HUWE1: variants seen among roughly 807,000 people sequenced by gnomAD.
HUWE1 encodes the protein HECT, UBA and WWE domain containing E3 ubiquitin protein ligase 1, also known as E3 ubiquitin-protein ligase HUWE1.
A neutral mutation model predicts 299.4 loss-of-function variants in HUWE1; 18 were observed. That is an observed-to-expected ratio of 0.06 (90% CI 0.04 to 0.09). The LOEUF is 0.09. Among genes scored for constraint, HUWE1 ranks in the 10% least tolerant of loss-of-function variants. The pLI is 1.00. For synonymous variants in HUWE1, 1,317 were observed against 1,286.1 expected, an observed-to-expected ratio of 1.02 and a Z score of -0.51; for missense variants, 1,832 against 3,462.3, an observed-to-expected ratio of 0.53 and a Z score of 11.82.
chrX:53,598,768 A>T (rs1254477757), intron 29 of HUWE1, among the ~76,000 whole-genome samples: 2 of 111,460 alleles, frequency 1.8e-5, no homozygotes, highest in Non-Finnish European at 3.8e-5. Context: ...CTCAACCCCC[A>T]TGTTGCTCAA....
At chrX:53,670,847 T>A (rs2069491892) in intron 3 of HUWE1, among the ~76,000 whole-genome samples, 1 of 111,690 alleles carries the variant, frequency 9.0e-6, no homozygotes. Context: ...CGTACGTATA[T>A]GTATATACGT....
intron 3 of HUWE1, among the ~76,000 whole-genome samples, chrX:53,667,162 C>T (rs1031995676): frequency 4.5e-5 from 5 of 111,939 alleles, no homozygotes; most frequent in African/African-American, 1.6e-4. Flanking sequence ...TTCCTCATGC[C>T]CAAAGGCTGA....
At chrX:53,682,438 A>G (rs782647601) in intron 2 of HUWE1, among the ~76,000 whole-genome samples, 7 of 111,642 alleles carry the variant, frequency 6.3e-5, no homozygotes, top group African/African-American at 2.0e-4. Context: ...AAAGAAAACA[A>G]TGCTGAACAT....
chrX:53,603,249 G>A (rs2064975660), intron 27 of HUWE1, 119 bp downstream of exon 27: 2 of 668,110 alleles, frequency 3.0e-6, no homozygotes, highest in Non-Finnish European at 4.7e-6. Flanking sequence ...GCTGGGAAGA[G>A]GGAAGGACAA....
Position 53,565,209 on chromosome X carries a change from A to C in HUWE1, c.6738T>G (p.Ala2246=). The C allele has an allele frequency of 8.3e-7, 1 of 1,211,191 alleles. No individual in the cohort carries two copies. Among genetic ancestry groups the C allele is most frequent in the Non-Finnish European group, 1.1e-6 (1 of 895,062 alleles). ...SPNMANTVNA[A]LKPLETLSRI... ...GGGAAAGTGTTTCCAAAGGCTTCAGAGCAGCATTGACTGTGTTGGCCATGT... is the reference window on the plus strand; with the variant it reads ...GGGAAAGTGTTTCCAAAGGCTTCAGCGCAGCATTGACTGTGTTGGCCATGT... Residue 2246 remains alanine, a synonymous_variant, in exon 50 of 84, where the codon GCT becomes GCG. Transcript: ENST00000262854.
intron 42 of HUWE1, among the ~76,000 whole-genome samples, chrX:53,581,582 AAAT>A (rs1329910776): frequency 1.8e-5 from 2 of 112,254 alleles, no homozygotes; most frequent in Non-Finnish European, 3.8e-5. Flanking sequence ...AGCACGAAGA[AAAT>A]AACTCAATTG....
chrX:53,659,114 A>C (rs1324759389), intron 3 of HUWE1, among the ~76,000 whole-genome samples: 10 of 112,936 alleles, frequency 8.9e-5, no homozygotes, highest in Admixed American at 2.8e-4. Flanking sequence ...AATGCAAAAT[A>C]GTACAGCCAC....
chrX:53,571,804 G>GT (rs782316045), intron 47 of HUWE1, among the ~76,000 whole-genome samples: 1 of 111,479 alleles, frequency 9.0e-6, no homozygotes, highest in East Asian at 2.8e-4. Context: ...ATTAAAATCA[G>GT]TAAAATGAAA....
chrX:53,653,593 A>C lies in HUWE1; in HGVS notation c.45+470T>G, dbSNP rs150389796. Among the ~76,000 whole-genome samples, 739 of 112,444 alleles carry C rather than the reference A, an allele frequency of 6.6e-3. 4 individuals carry two copies. Among genetic ancestry groups the C allele is most frequent in the African/African-American group, 0.023 (701 of 30,986 alleles). On this transcript the variant is annotated intron_variant, in intron 4 of 83. Coordinates refer to ENST00000262854, the MANE Select transcript of HUWE1 (RefSeq NM_031407.7). The stretch of plus-strand genomic sequence containing the variant: ...AATTGATATGACCACCCAATACACA[A>C]GTTAAGCTGAATTGTGTGATTAAGA...
intron 9 of HUWE1, among the ~76,000 whole-genome samples, chrX:53,632,232 A>G (rs2066922639): frequency 8.9e-6 from 1 of 111,935 alleles, no homozygotes; most frequent in South Asian, 3.7e-4. Context: ...ACTGTGGGAA[A>G]AGCACATAGG....
rs1376755734 is a variant in HUWE1 at position 53,578,579 on chromosome X, A to T, written c.5717-1512T>A. 8.3e-4 allele frequency among the ~76,000 whole-genome samples: 17 copies of T among 20,599 alleles called. No individual in the cohort carries two copies. The South Asian group carries it at 8.7e-3, about 11-fold the overall frequency. 17.9% of individuals were successfully genotyped at this position (20,599 alleles called of 115,157 possible). On this transcript the variant is annotated intron_variant, in intron 43 of 83. Coordinates refer to ENST00000262854, the MANE Select transcript of HUWE1 (RefSeq NM_031407.7). ...CCAGCCGCCCCGTCCGGGAGGGGGGAGGGGGGGTCAGCCCCCTGCCCGGCC... is the reference window on the plus strand; with the variant it reads ...CCAGCCGCCCCGTCCGGGAGGGGGGTGGGGGGGTCAGCCCCCTGCCCGGCC...
chrX:53,586,712 A>G, intron 38 of HUWE1, 70 bp downstream of exon 38: 1 of 1,180,905 alleles, frequency 8.5e-7, no homozygotes, highest in East Asian at 3.0e-5. Context: ...ATGCCCCAGA[A>G]GAGTGCCTGA....
intron 22 of HUWE1, among the ~76,000 whole-genome samples, chrX:53,615,374 C>T (rs1432039266): frequency 1.8e-5 from 2 of 109,197 alleles, no homozygotes; most frequent in African/African-American, 6.7e-5. Flanking sequence ...ACTACAGGCA[C>T]ACGCCACCAA....
chrX:53,563,879 C>T (rs782190868), intron 51 of HUWE1, 58 bp from the exon 52 acceptor site: 41 of 1,142,387 alleles, frequency 3.6e-5, no homozygotes, highest in Middle Eastern at 2.4e-4. Context: ...GTGCTAGCAC[C>T]GAAACCCTAA....
intron 60 of HUWE1, chrX:53,557,142 T>C (rs1556935693): frequency 6.0e-6 from 3 of 503,540 alleles, no homozygotes; most frequent in African/African-American, 4.7e-5. Context: ...AAGTAGATAA[T>C]AACCAGAACA....
intron 37 of HUWE1, among the ~76,000 whole-genome samples, chrX:53,588,164 T>C (rs782581410): frequency 8.9e-6 from 1 of 111,874 alleles, no homozygotes; most frequent in South Asian, 3.8e-4. Flanking sequence ...GTGATGCATA[T>C]GACTTTCCTA....
chrX:53,630,986 T>C lies in HUWE1; in HGVS notation c.811A>G (p.Arg271Gly), dbSNP rs797044641. The C allele has an allele frequency of 8.3e-6, 10 of 1,199,654 alleles. No homozygotes were observed. The highest frequency in any genetic ancestry group is 1.1e-5 in the Non-Finnish European group (10 of 884,319). The part of the protein sequence containing the change: ...IRLAHGFSNH[R>G]KRLQAVQARL... ...GCCTGAACTGCCTGCAATCGCTTCC[T>C]GTGATTAGAAAAGCCATGGGCCAGT... The change falls in exon 12 of 84, where the codon AGG (arginine) becomes GGG (glycine). Residue 271 changes from arginine to glycine, a missense_variant. Physicochemically the swap from Arg to Gly is moderately radical, Grantham distance 125. Coordinates refer to ENST00000262854, the MANE Select transcript of HUWE1 (RefSeq NM_031407.7).
In HUWE1 at chrX:53,603,692, C is replaced by A. The variant is rs782627050; in HGVS notation, c.2743-191G>T. Among the ~76,000 whole-genome samples the A allele has an allele frequency of 2.7e-5, 3 of 112,409 alleles. 1 individual carries two copies. The South Asian group carries it at 1.1e-3, about 42-fold the overall frequency. On this transcript the variant is annotated intron_variant, in intron 26 of 83. Transcript: ENST00000262854. ...ACAAGGTATCCTCTTACAATATTTA[C>A]AAACTATTTCCACAACATCCGTTCT... is the stretch of plus-strand genomic sequence containing the variant.
At chrX:53,548,874 G>A (rs977984287) in intron 67 of HUWE1, 85 bp downstream of exon 67, 61 of 805,053 alleles carry the variant, frequency 7.6e-5, no homozygotes, top group African/African-American at 1.0e-4. Context: ...AAAAAGACAC[G>A]CTAGCCTGCT....
Sources: gnomAD v4.1 joint callset for allele counts (sites outside exome capture counted in the v4.1 genomes callset) on GRCh38, gnomAD v4.1.1 for gene constraint, MANE v1.5 for transcripts, NCBI Gene and HGNC (gene_info 2026-07-23, HGNC 2026-07-21) for gene names.